SNTG2: variants seen among roughly 807,000 people sequenced by gnomAD.
SNTG2 encodes the protein gamma-2-syntrophin.
SNTG2 carries 74 observed loss-of-function variants against 70.9 expected under a neutral mutation model. The observed-to-expected ratio is 1.04, with a 90% CI of 0.86 to 1.27. The LOEUF is 1.27. Ranked by LOEUF, SNTG2 falls within the 50% of genes most tolerant of loss-of-function variation. The pLI is 0.00. For synonymous variants in SNTG2, 278 were observed against 273.8 expected, an observed-to-expected ratio of 1.02 and a Z score of -0.15; for missense variants, 717 against 690.7, an observed-to-expected ratio of 1.04 and a Z score of -0.43.
chr2:1,149,921 C>T lies in SNTG2; in HGVS notation c.411+12112C>T, dbSNP rs528687805. Among the ~76,000 whole-genome samples the T allele has an allele frequency of 1.0e-3, 156 of 152,162 alleles. 2 individuals are homozygous for T. The South Asian group carries it at 0.02, about 19-fold the overall frequency. On this transcript the variant is annotated intron_variant, in intron 6 of 16. Transcript: ENST00000308624. ...GCCAGGATGGTCTCAATCTCCTGAC[C>T]TTGTGATCCACCCGCCTCGGCCTCC...
chr2:1,000,591 A>G (rs1172269262), intron 1 of SNTG2, among the ~76,000 whole-genome samples: 2 of 152,024 alleles, frequency 1.3e-5, no homozygotes, highest in Admixed American at 1.3e-4. Flanking sequence ...GAAATCCTGA[A>G]CAACCCAATA....
intron 4 of SNTG2, among the ~76,000 whole-genome samples, chr2:1,114,929 C>T (rs1572473373): frequency 6.6e-6 from 1 of 151,734 alleles, no homozygotes; most frequent in South Asian, 2.1e-4. Flanking sequence ...GTCTTGTGTA[C>T]TACGTGAGGT....
At chr2:1,045,362 G>GT (rs1184676906) in intron 1 of SNTG2, among the ~76,000 whole-genome samples, 2 of 151,720 alleles carry the variant, frequency 1.3e-5, no homozygotes, top group African/African-American at 4.8e-5. Flanking sequence ...ATCTCCTATG[G>GT]TTTTTCACAT....
chr2:1,123,540 C>T (rs923630407), intron 4 of SNTG2, among the ~76,000 whole-genome samples: 3 of 152,092 alleles, frequency 2.0e-5, no homozygotes, highest in African/African-American at 7.2e-5. Flanking sequence ...TGTCTTACAC[C>T]GTATAGGAAA....
intron 6 of SNTG2, chr2:1,160,691 G>C (rs28689776): frequency 4.6e-5 from 7 of 152,238 alleles, no homozygotes; most frequent in African/African-American, 1.4e-4. Context: ...TAGGGTGAGA[G>C]GAGGTGATGA....
intron 1 of SNTG2, among the ~76,000 whole-genome samples, chr2:1,026,689 C>G (rs139952676): frequency 2.6e-5 from 4 of 152,268 alleles, no homozygotes; most frequent in Non-Finnish European, 5.9e-5. Flanking sequence ...GGAAACAACC[C>G]TCGGAATAAC....
At chr2:1,303,525 T>C (rs548570691) in intron 14 of SNTG2, among the ~76,000 whole-genome samples, 2 of 152,316 alleles carry the variant, frequency 1.3e-5, no homozygotes, top group African/African-American at 4.8e-5. Context: ...ACAGCATGCA[T>C]TCATTAGAGA....
chr2:1,215,637 G>A (rs1318755826), intron 9 of SNTG2, among the ~76,000 whole-genome samples: 1 of 151,538 alleles, frequency 6.6e-6, no homozygotes, highest in African/African-American at 2.4e-5. Context: ...CATGTGCCAT[G>A]TTGGTGTGCT....
intron 1 of SNTG2, among the ~76,000 whole-genome samples, chr2:1,033,377 G>C (rs1660949454): frequency 6.6e-6 from 1 of 152,154 alleles, no homozygotes; most frequent in Non-Finnish European, 1.5e-5. Flanking sequence ...AATTCTGACA[G>C]TTTTTTGGAG....
chr2:1,281,337 GGTGGTATGTGTGTGCT>G (rs1679521363), intron 14 of SNTG2, among the ~76,000 whole-genome samples: 1 of 37,834 alleles, frequency 2.6e-5, no homozygotes, highest in Non-Finnish European at 4.8e-5. Context: ...GTGTGTGTGT[GGTGGTATGTGTGTGCT>G]TGTGTATTTG....
chr2:1,043,116 G>T (rs1661532461), intron 1 of SNTG2, among the ~76,000 whole-genome samples: 1 of 152,144 alleles, frequency 6.6e-6, no homozygotes, highest in Non-Finnish European at 1.5e-5. Context: ...TTTCTCTAAT[G>T]ATTAGTGATG....
At chr2:1,305,858 G>A (rs528103661) in intron 14 of SNTG2, among the ~76,000 whole-genome samples, 13 of 152,282 alleles carry the variant, frequency 8.5e-5, no homozygotes, top group South Asian at 4.1e-4. Context: ...GTCCTGTGCC[G>A]TAAAGATGGG....
At chr2:1,070,270 T>C (rs1243542335) in intron 1 of SNTG2, among the ~76,000 whole-genome samples, 2 of 152,060 alleles carry the variant, frequency 1.3e-5, no homozygotes, top group African/African-American at 4.8e-5. Flanking sequence ...GACAGGTAGA[T>C]GTGGGACATT....
At chr2:1,011,308 A>G (rs1359003664) in intron 1 of SNTG2, among the ~76,000 whole-genome samples, 1 of 152,264 alleles carries the variant, frequency 6.6e-6, no homozygotes, top group Non-Finnish European at 1.5e-5. Flanking sequence ...TACACAGATA[A>G]GCTTTGGTGA....
intron 9 of SNTG2, among the ~76,000 whole-genome samples, chr2:1,226,677 C>G (rs895017051): frequency 1.3e-5 from 2 of 152,058 alleles, no homozygotes; most frequent in Non-Finnish European, 2.9e-5. Flanking sequence ...GGCTTCTTAT[C>G]TTAATTTTCT....
At chr2:1,022,902 G>A (rs544819442) in intron 1 of SNTG2, among the ~76,000 whole-genome samples, 6 of 152,178 alleles carry the variant, frequency 3.9e-5, no homozygotes, top group African/African-American at 2.4e-5. Flanking sequence ...AGGGACTGTC[G>A]TCTGGAGAGT....
Position 1,300,967 on chromosome 2 carries a change from A to T in SNTG2, c.1285-7527A>T, listed in dbSNP as rs143251138. Among the ~76,000 whole-genome samples the T allele has an allele frequency of 3.2e-3, 491 of 152,268 alleles. 5 individuals carry two copies. The highest frequency in any genetic ancestry group is 7.3e-3 in the Admixed American group (111 of 15,300). On this transcript the variant is annotated intron_variant, in intron 14 of 16. Transcript: ENST00000308624. ...AAGGTATTTAAGGGAACTCTAATTG[A>T]TTGTGCTTCTCAAGAGCCCTAGAAA...
At chr2:1,273,850 T>C (rs931886104) in intron 14 of SNTG2, among the ~76,000 whole-genome samples, 1 of 152,034 alleles carries the variant, frequency 6.6e-6, no homozygotes, top group Non-Finnish European at 1.5e-5. Flanking sequence ...AAAACACTGC[T>C]AATATAATGA....
chr2:961,782 C>T (rs925418052), intron 1 of SNTG2, among the ~76,000 whole-genome samples: 4 of 152,064 alleles, frequency 2.6e-5, no homozygotes, highest in Non-Finnish European at 4.4e-5. Context: ...GGATCTTGCT[C>T]AGAGAAAGGA....
Sources: allele counts gnomAD v4.1 joint callset (sites outside exome capture counted in the v4.1 genomes callset), GRCh38; gene constraint gnomAD v4.1.1; transcripts MANE v1.5; gene names NCBI Gene and HGNC (gene_info 2026-07-23, HGNC 2026-07-21).